ATRNL1: variants seen among roughly 807,000 people sequenced by gnomAD.
ATRNL1 encodes the protein attractin-like protein 1.
Under a neutral mutation model 182.7 loss-of-function variants are expected in ATRNL1, and 95 were observed. That is an observed-to-expected ratio of 0.52 (90% CI 0.44 to 0.62). The LOEUF (loss-of-function observed/expected upper bound fraction) is 0.62, where lower values mean the gene tolerates loss of function less well. Among genes scored for constraint, ATRNL1 ranks in the 20% least tolerant of loss-of-function variants. The probability of loss-of-function intolerance (pLI) is 0.00; values close to 1 mark genes in which losing one functional copy is unlikely to be tolerated. For missense variants in ATRNL1, 1,471 were observed against 1,679.5 expected (o/e 0.88, Z 2.17); for synonymous variants, 576 against 568.3 (o/e 1.01, Z -0.19).
In ATRNL1 at chr10:115,394,194, C is replaced by T. The variant is rs528346620; in HGVS notation, c.3176-465C>T. Among the ~76,000 whole-genome samples the T allele has an allele frequency of 1.0e-3, 152 of 152,082 alleles. 2 individuals carry two copies. Among genetic ancestry groups the T allele is most frequent in the South Asian group, 6.2e-4 (3 of 4,824 alleles). ...ACATTACCTCATTTAATTTTCACAT[C>T]AATCCTGGAAGCTAAGTGCTGTTAT... On this transcript the variant is annotated intron_variant, in intron 19 of 28. Coordinates refer to ENST00000355044, the MANE Select transcript of ATRNL1 (RefSeq NM_207303.4).
At chr10:115,470,792 G>C (rs1848273351) in intron 24 of ATRNL1, among the ~76,000 whole-genome samples, 1 of 150,504 alleles carries the variant, frequency 6.6e-6, no homozygotes, top group African/African-American at 2.4e-5. Flanking sequence ...AATTGAGATG[G>C]ACAAGATACG....
chr10:115,690,473 T>C (rs1946355247), intron 26 of ATRNL1, among the ~76,000 whole-genome samples: 1 of 152,128 alleles, frequency 6.6e-6, no homozygotes. Context: ...GTGGTAATGC[T>C]CACTCACCCA....
At chr10:115,555,367 T>C (rs56150816) in intron 26 of ATRNL1, among the ~76,000 whole-genome samples, 24,796 of 151,782 alleles carry the variant, frequency 0.16, 2,539 homozygotes, top group South Asian at 0.24. Flanking sequence ...CTTAAAGATA[T>C]ATATCTGCCT....
chr10:115,236,901 T>TTA (rs1191389822), intron 9 of ATRNL1, among the ~76,000 whole-genome samples: 2 of 152,216 alleles, frequency 1.3e-5, no homozygotes, highest in African/African-American at 2.4e-5. Flanking sequence ...ATCCTCTTGC[T>TTA]TATCTCTTCC....
intron 26 of ATRNL1, among the ~76,000 whole-genome samples, chr10:115,696,668 C>T (rs577787960): frequency 2.6e-5 from 4 of 152,222 alleles, no homozygotes; most frequent in South Asian, 4.1e-4. Flanking sequence ...ACCTTGCTAG[C>T]ATCTGTTATT....
At chr10:115,479,439 G>A (rs1848666579) in intron 24 of ATRNL1, among the ~76,000 whole-genome samples, 1 of 151,430 alleles carries the variant, frequency 6.6e-6, no homozygotes, top group Non-Finnish European at 1.5e-5. Context: ...CATATTATTT[G>A]ATTAATTTAT....
At chr10:115,681,707 G>C (rs1946052387) in intron 26 of ATRNL1, among the ~76,000 whole-genome samples, 1 of 152,032 alleles carries the variant, frequency 6.6e-6, no homozygotes. Context: ...TCTTTTTCCT[G>C]CTCTTCTCCC....
intron 28 of ATRNL1, among the ~76,000 whole-genome samples, chr10:115,901,317 T>C (rs1417817540): frequency 6.6e-6 from 1 of 152,224 alleles, no homozygotes; most frequent in African/African-American, 2.4e-5. Context: ...TTGTAAAATA[T>C]AAAATTCATC....
chr10:115,191,955 C>T (rs1848186015), intron 8 of ATRNL1, among the ~76,000 whole-genome samples: 1 of 151,738 alleles, frequency 6.6e-6, no homozygotes, highest in Non-Finnish European at 1.5e-5. Context: ...TCTTTTTTTC[C>T]CTATTGAGTT....
intron 24 of ATRNL1, among the ~76,000 whole-genome samples, chr10:115,495,533 A>C (rs1849501897): frequency 6.6e-6 from 1 of 152,074 alleles, no homozygotes. Flanking sequence ...GTTCTCATTA[A>C]TTTCAAAGAA....
intron 28 of ATRNL1, among the ~76,000 whole-genome samples, chr10:115,928,893 T>G (rs1009303440): frequency 3.9e-5 from 6 of 151,958 alleles, no homozygotes; most frequent in African/African-American, 1.2e-4. Flanking sequence ...TTTAGAAACA[T>G]GTCCTTTAAA....
chr10:115,289,262 C>A (rs990624281), intron 15 of ATRNL1, among the ~76,000 whole-genome samples: 4 of 152,168 alleles, frequency 2.6e-5, no homozygotes, highest in Admixed American at 2.0e-4. Context: ...AGATCCCTCC[C>A]ACAACACGTG....
At chr10:115,380,122 G>T (rs993950008) in intron 19 of ATRNL1, among the ~76,000 whole-genome samples, 1 of 152,112 alleles carries the variant, frequency 6.6e-6, no homozygotes, top group Non-Finnish European at 1.5e-5. Context: ...GAGCCGCCGC[G>T]CCTGGCCAAC....
rs527975539 is a variant in ATRNL1, at chr10:115,860,532, A to T, written c.4018+12541A>T. On this transcript the variant is annotated intron_variant, in intron 28 of 28. Transcript: ENST00000355044. ...AATAGATACATAAAATAGATACATA[A>T]AAAAAAATGTATAAATGGGATAATT... Among the ~76,000 whole-genome samples the T allele has an allele frequency of 5.6e-3, 818 of 145,110 alleles. 6 individuals carry two copies. Among genetic ancestry groups the T allele is most frequent in the African/African-American group, 0.021 (769 of 35,810 alleles).
chr10:115,185,363 GTT>G (rs1292018192), intron 8 of ATRNL1, among the ~76,000 whole-genome samples: 9 of 151,934 alleles, frequency 5.9e-5, no homozygotes, highest in African/African-American at 1.7e-4. Flanking sequence ...AGTACATCTT[GTT>G]ATATCAAATT....
At chr10:115,120,157 A>G (rs1844663972) in intron 1 of ATRNL1, 28 bp from the exon 2 acceptor site, 1 of 1,306,460 alleles carries the variant, frequency 7.7e-7, no homozygotes, top group Non-Finnish European at 1.1e-6. Context: ...TAAGGTAATT[A>G]TTTTCATTAT....
At chr10:115,170,993 T>C (rs1847266441) in intron 7 of ATRNL1, 44 bp from the exon 8 acceptor site, 1 of 1,178,978 alleles carries the variant, frequency 8.5e-7, no homozygotes, top group Non-Finnish European at 1.1e-6. Flanking sequence ...TGTGTTAAGA[T>C]ATAACATTAT....
At chr10:115,894,752 A>T (rs1433491217) in intron 28 of ATRNL1, among the ~76,000 whole-genome samples, 1 of 152,168 alleles carries the variant, frequency 6.6e-6, no homozygotes, top group Non-Finnish European at 1.5e-5. Context: ...TCCAACACAA[A>T]TATCTCCTTC....
chr10:115,272,270 T>A (rs1554913398), intron 13 of ATRNL1, among the ~76,000 whole-genome samples: 1 of 152,174 alleles, frequency 6.6e-6, no homozygotes, highest in Non-Finnish European at 1.5e-5. Flanking sequence ...GGTATGGTAA[T>A]ACTGAAAGAC....
Sources: allele counts gnomAD v4.1 joint callset (sites outside exome capture counted in the v4.1 genomes callset), GRCh38; gene constraint gnomAD v4.1.1; transcripts MANE v1.5; gene names NCBI Gene and HGNC (gene_info 2026-07-23, HGNC 2026-07-21).